Variants in CADM2 observed in about 807,000 individuals in gnomAD.
CADM2 encodes cell adhesion molecule 2, also known as immunoglobulin superfamily member 4D.
Under a neutral mutation model 49.8 loss-of-function variants are expected in CADM2, and 12 were observed. The ratio of observed to expected loss-of-function variants is 0.24; its 90% CI spans 0.15 to 0.39. The LOEUF (loss-of-function observed/expected upper bound fraction) is 0.39. Among genes scored for constraint, CADM2 ranks in the 10% least tolerant of loss-of-function variants. CADM2 has a pLI of 1.00. For missense variants in CADM2, 378 were observed against 492.3 expected, an observed-to-expected ratio of 0.77 and a Z score of 2.20; for synonymous variants, 214 against 175.4, an observed-to-expected ratio of 1.22 and a Z score of -1.74.
intron 1 of CADM2, among the ~76,000 whole-genome samples, chr3:85,011,161 G>A (rs2033976632): frequency 1.3e-5 from 2 of 151,536 alleles, no homozygotes. Context: ...ACCGCGCCCA[G>A]GCTGTTTATG....
At chr3:85,972,396 A>G (rs1296400083) in intron 8 of CADM2, among the ~76,000 whole-genome samples, 1 of 151,756 alleles carries the variant, frequency 6.6e-6, no homozygotes, top group Non-Finnish European at 1.5e-5. Flanking sequence ...TAACACTTCT[A>G]CATCTCCACT....
chr3:85,769,316 A>G (rs2069882639), intron 2 of CADM2, among the ~76,000 whole-genome samples: 1 of 126,882 alleles, frequency 7.9e-6, no homozygotes, highest in South Asian at 2.4e-4. Context: ...ATACATATAT[A>G]CATATATAGT....
At chr3:85,217,260 T>C (rs960588055) in intron 1 of CADM2, among the ~76,000 whole-genome samples, 1 of 151,802 alleles carries the variant, frequency 6.6e-6, no homozygotes, top group Non-Finnish European at 1.5e-5. Context: ...AAGCATTTAC[T>C]GATGTTTGTT....
Position 85,886,332 on chromosome 3 carries a change from A to G in CADM2, c.529+5A>G, listed in dbSNP as rs776801441. ...AAAATGACAAAGAGATTAAAGGTAAAGAATAGAAAAATGAAAATCAAAATT... is the reference window on the plus strand; with the variant it reads ...AAAATGACAAAGAGATTAAAGGTAAGGAATAGAAAAATGAAAATCAAAATT... On this transcript the variant is annotated splice_donor_5th_base_variant and intron_variant, in intron 5 of 9. Transcript: ENST00000383699. The G allele has an allele frequency of 1.9e-6, 3 of 1,598,890 alleles. No homozygotes were observed. Among genetic ancestry groups the G allele is most frequent in the Non-Finnish European group, 2.6e-6 (3 of 1,167,002 alleles).
chr3:85,294,667 C>G (rs959566815), intron 1 of CADM2, among the ~76,000 whole-genome samples: 6 of 151,502 alleles, frequency 4.0e-5, no homozygotes, highest in Non-Finnish European at 8.9e-5. Flanking sequence ...TTTGACAAAC[C>G]TGAGAAAAAC....
intron 1 of CADM2, among the ~76,000 whole-genome samples, chr3:85,133,260 C>G (rs965729782): frequency 3.3e-5 from 5 of 152,194 alleles, no homozygotes; most frequent in Non-Finnish European, 7.3e-5. Context: ...TGCCACCACT[C>G]GCTCGGGCAG....
intron 1 of CADM2, among the ~76,000 whole-genome samples, chr3:85,660,952 A>G (rs1005606271): frequency 4.6e-5 from 7 of 151,974 alleles, no homozygotes; most frequent in Non-Finnish European, 8.8e-5. Context: ...CAACTGCTCA[A>G]TTGTAATTTT....
intron 2 of CADM2, among the ~76,000 whole-genome samples, chr3:85,795,823 T>A (rs2071587525): frequency 1.3e-5 from 2 of 152,324 alleles, no homozygotes; most frequent in South Asian, 2.1e-4. Context: ...TTGTTTTCAT[T>A]GTTGTCTAAT....
chr3:85,570,456 C>A (rs1217542509), intron 1 of CADM2, among the ~76,000 whole-genome samples: 3 of 151,922 alleles, frequency 2.0e-5, no homozygotes, highest in Admixed American at 6.6e-5. Context: ...TGGGGTCCAC[C>A]AATGCAAATT....
intron 1 of CADM2, among the ~76,000 whole-genome samples, chr3:85,187,507 A>C (rs1394151927): frequency 6.6e-6 from 1 of 152,128 alleles, no homozygotes. Context: ...GAGAGAAAAT[A>C]TTAGATGATA....
chr3:85,285,034 G>A (rs533258832), intron 1 of CADM2, among the ~76,000 whole-genome samples: 2 of 152,196 alleles, frequency 1.3e-5, no homozygotes, highest in South Asian at 2.1e-4. Flanking sequence ...GTAAAATTCT[G>A]GATGTATTTT....
intron 3 of CADM2, among the ~76,000 whole-genome samples, chr3:85,853,347 C>A (rs1381977969): frequency 2.6e-5 from 4 of 151,882 alleles, no homozygotes; most frequent in African/African-American, 4.8e-5. Context: ...GGGGACAGAT[C>A]ATCTAAGAAA....
intron 1 of CADM2, among the ~76,000 whole-genome samples, chr3:85,438,679 C>T (rs1432817299): frequency 1.3e-5 from 2 of 151,864 alleles, no homozygotes; most frequent in African/African-American, 4.8e-5. Context: ...TTTTCCTTTT[C>T]CTTTCTTTTT....
intron 2 of CADM2, among the ~76,000 whole-genome samples, chr3:85,772,485 C>T (rs2070143487): frequency 6.6e-6 from 1 of 150,578 alleles, no homozygotes; most frequent in Non-Finnish European, 1.5e-5. Context: ...AAGATACAGA[C>T]AAATTCTCAG....
At chr3:85,843,306 T>A (rs1408955265) in intron 3 of CADM2, among the ~76,000 whole-genome samples, 3 of 152,110 alleles carry the variant, frequency 2.0e-5, no homozygotes, top group Non-Finnish European at 4.4e-5. Context: ...AGAAACATCG[T>A]CATCTAACCC....
intron 7 of CADM2, among the ~76,000 whole-genome samples, chr3:85,956,303 T>C (rs1724040068): frequency 6.6e-6 from 1 of 151,628 alleles, no homozygotes; most frequent in African/African-American, 2.4e-5. Context: ...AACTCAATCA[T>C]TTCTGGGTTC....
chr3:85,347,846 C>A (rs1433735357), intron 1 of CADM2, among the ~76,000 whole-genome samples: 3 of 150,228 alleles, frequency 2.0e-5, no homozygotes, highest in South Asian at 2.1e-4. Context: ...CTCGCTCTGT[C>A]GCCCAGGCTG....
intron 1 of CADM2, among the ~76,000 whole-genome samples, chr3:85,454,079 G>A (rs2037875822): frequency 6.6e-6 from 1 of 152,082 alleles, no homozygotes; most frequent in Non-Finnish European, 1.5e-5. Flanking sequence ...AAGCGGCTGG[G>A]CGTGGAGGCT....
At chr3:85,054,601 T>C (rs2036007054) in intron 1 of CADM2, among the ~76,000 whole-genome samples, 1 of 151,884 alleles carries the variant, frequency 6.6e-6, no homozygotes, top group Non-Finnish European at 1.5e-5. Context: ...TTATTAAAAT[T>C]GTTTGAAACA....
Sources: allele counts gnomAD v4.1 joint callset (sites outside exome capture counted in the v4.1 genomes callset), GRCh38; gene constraint gnomAD v4.1.1; transcripts MANE v1.5; gene names NCBI Gene and HGNC (gene_info 2026-07-23, HGNC 2026-07-21).